The following TMEM151A variants were observed in gnomAD, a reference collection of about 807,000 sequenced individuals.
TMEM151A encodes the protein transmembrane protein 151A.
A neutral mutation model predicts 33.7 loss-of-function variants in TMEM151A; 21 were observed. The ratio of observed to expected loss-of-function variants is 0.62; its 90% CI spans 0.44 to 0.90. The LOEUF is 0.90. TMEM151A is among the 40% of genes least tolerant of loss of function. TMEM151A has a pLI of 0.00. For missense variants in TMEM151A, 704 were observed against 697.7 expected (o/e 1.01, Z -0.10); for synonymous variants, 374 against 330.3 (o/e 1.13, Z -1.43).
chr11:66,294,175 G>T, intron 1 of TMEM151A, 147 bp from the exon 2 acceptor site: 1 of 1,257,262 alleles, frequency 8.0e-7, no homozygotes, highest in South Asian at 1.5e-5. Context: ...GAAGCCTGGA[G>T]CAAGCTGCTC....
intron 1 of TMEM151A, among the ~76,000 whole-genome samples, chr11:66,293,869 A>T (rs1565189890): frequency 6.6e-6 from 1 of 152,216 alleles, no homozygotes; most frequent in Non-Finnish European, 1.5e-5. Flanking sequence ...GGAACTCCAA[A>T]GCCCATGCTG....
At position 66,295,043 on chromosome 11, in the gene TMEM151A, T is replaced by C. The variant is rs1857499181; in HGVS notation, c.797T>C (p.Phe266Ser). 4 of 1,598,906 alleles carry C rather than the reference T, an allele frequency of 2.5e-6. No homozygotes were observed. Among genetic ancestry groups the C allele is most frequent in the Non-Finnish European group, 3.4e-6 (4 of 1,179,166 alleles). Residue 266 changes from phenylalanine (F) to serine (S), a missense_variant, in exon 2 of 2, where the codon TTC (phenylalanine) becomes TCC (serine). Phe to Ser is a radical substitution (Grantham distance 155). Transcript: ENST00000327259. Reference sequence around the variant, plus strand: ...GGCATGCACCTGAAGGACGTAGACTTCCGCGAGTCGCTCATGGTCTTCGCC... The same window carrying C: ...GGCATGCACCTGAAGGACGTAGACTCCCGCGAGTCGCTCATGGTCTTCGCC... ...REGMHLKDVD[F>S]RESLMVFADP...
rs758397847 is a variant in TMEM151A at position 66,295,009 on chromosome 11, G to A, written c.763G>A (p.Ala255Thr). The part of the protein sequence containing the change: ...ANEGLDDYLE[A>T]REGMHLKDVD... ...CGAGGGCCTGGACGACTATCTGGAG[G>A]CGCGCGAGGGCATGCACCTGAAGGA... The change falls in exon 2 of 2, where the codon GCG (alanine) becomes ACG (threonine). Residue 255 changes from alanine to threonine, a missense_variant. This residue lies in a region of TMEM151A where 398 missense variants were observed against 356.0 expected (regional missense o/e 1.12). Transcript: ENST00000327259. 1.0e-5 allele frequency: 16 copies of A among 1,594,776 alleles called. No homozygotes were observed. Among genetic ancestry groups the A allele is most frequent in the East Asian group, 4.5e-5 (2 of 44,484 alleles).
Position 66,295,214 on chromosome 11 carries a change from CGCCCCCGCCGGGGGCCGTGCCCAGCGG to C in TMEM151A, c.977_1003del (p.Pro326_Pro334del). 1 of 1,569,788 alleles carries C rather than the reference CGCCCCCGCCGGGGGCCGTGCCCAGCGG, an allele frequency of 6.4e-7. No homozygotes were observed. The highest frequency in any genetic ancestry group is 8.6e-7 in the Non-Finnish European group (1 of 1,158,946). ...GTGGAGAAGCTCTTTGGCGCCAGCT[CGCCCCCGCCGGGGGCCGTGCCCAGCGG>C]GCCCCCGCTGTCCCGCGTGGCCACA... is the stretch of plus-strand genomic sequence containing the variant. On this transcript the variant is annotated inframe_deletion, in exon 2 of 2. Coordinates refer to ENST00000327259, the MANE Select transcript of TMEM151A (RefSeq NM_153266.4).
At position 66,295,316 on chromosome 11, in the gene TMEM151A, T is replaced by C. The variant is rs1857505635; in HGVS notation, c.1070T>C (p.Val357Ala). Residue 357 changes from valine (V) to alanine (A), a missense_variant, in exon 2 of 2, where the codon GTG (valine) becomes GCG (alanine). This residue lies in a region of TMEM151A where 398 missense variants were observed against 356.0 expected (regional missense o/e 1.12). Coordinates refer to ENST00000327259, the MANE Select transcript of TMEM151A (RefSeq NM_153266.4). ...CACATCTGCTCCAACCGGCAGCTGG[T>C]GCCCAGCTACTCGGAGGCCGTGGTC... ...EWHICSNRQL[V>A]PSYSEAVVMG... 3.1e-6 allele frequency: 5 copies of C among 1,587,836 alleles called. No individual in the cohort carries two copies. The highest frequency in any genetic ancestry group is 4.3e-6 in the Non-Finnish European group (5 of 1,167,996).
chr11:66,292,293 C>A lies in TMEM151A; in HGVS notation c.75+205C>A, dbSNP rs1857463681. ...GGCGGCTGGACAGCAATATGCGGGG[C>A]GACTTCCGCCCCCGGCGTCCCCTCA... is the stretch of plus-strand genomic sequence containing the variant. On this transcript the variant is annotated intron_variant, in intron 1 of 1. Coordinates refer to ENST00000327259, the MANE Select transcript of TMEM151A (RefSeq NM_153266.4). The surrounding 1 kb of genome is among the most constrained non-coding windows in gnomAD (Gnocchi z 4.7). 6.6e-6 allele frequency among the ~76,000 whole-genome samples: 1 copy of A among 151,904 alleles called. No homozygotes were observed. Among genetic ancestry groups the A allele is most frequent in the Non-Finnish European group, 1.5e-5 (1 of 67,902 alleles).
rs774159753 is a variant in TMEM151A at position 66,295,675 on chromosome 11, T to C, written c.*22T>C. On this transcript the variant is annotated 3_prime_UTR_variant, in exon 2 of 2. Coordinates refer to ENST00000327259, the MANE Select transcript of TMEM151A (RefSeq NM_153266.4). ...CTGAGACCCCCCACGGCCCCCAGAGTGGCCCCCTCCCCACCATTCCACCAT... is the reference window on the plus strand; with the variant it reads ...CTGAGACCCCCCACGGCCCCCAGAGCGGCCCCCTCCCCACCATTCCACCAT... 12 of 1,457,982 alleles carry C rather than the reference T, an allele frequency of 8.2e-6. No individual in the cohort carries two copies. In the East Asian group the frequency reaches 1.1e-4, roughly 13 times the overall value. The allele number at this position is 1,457,982 out of a possible 1,614,324, so 90.3% of individuals were successfully genotyped here.
rs1857485655 is a variant in TMEM151A, at chr11:66,294,308, C to A, written c.76-14C>A. 6.2e-7 allele frequency: 1 copy of A among 1,603,520 alleles called. No individual in the cohort carries two copies. The highest frequency in any genetic ancestry group is 1.7e-5 in the Admixed American group (1 of 59,728). On this transcript the variant is annotated splice_polypyrimidine_tract_variant and intron_variant, in intron 1 of 1. Coordinates refer to ENST00000327259, the MANE Select transcript of TMEM151A (RefSeq NM_153266.4). ...CCACCTGACACAGACTTCCCTTTCT[C>A]TGCCCACCTGCAGCAGCGGCCCCTG...
At position 66,292,151 on chromosome 11, in the gene TMEM151A, G is replaced by A. The variant is rs1481015281; in HGVS notation, c.75+63G>A. 10 of 1,321,064 alleles carry A rather than the reference G, an allele frequency of 7.6e-6. No homozygotes were observed. The highest frequency in any genetic ancestry group is 4.7e-5 in the African/African-American group (3 of 64,312). 81.8% of individuals were successfully genotyped at this position (1,321,064 alleles called of 1,614,324 possible). A position where few individuals can be genotyped will look rare whatever the true frequency, so the allele number is the denominator to read the frequency against. On this transcript the variant is annotated intron_variant, in intron 1 of 1. Transcript: ENST00000327259. This position sits in a 1 kb window ranked among gnomAD's most constrained non-coding sequence, Gnocchi z 4.7. ...GGCGTGAGAGGGACCAGTGCAAAAG[G>A]CGACCCCAAGAGAGGGGCTGAGGAG...
Position 66,294,434 on chromosome 11 carries a change from G to C in TMEM151A, c.188G>C (p.Arg63Pro). ...HACGAVVAWC[R>P]LATVPRLVLG... ...TGCGGGGCCGTGGTGGCCTGGTGTC[G>C]CCTGGCCACAGTGCCGCGGCTGGTC... is the stretch of plus-strand genomic sequence containing the variant. The change falls in exon 2 of 2, where the codon CGC becomes CCC. Residue 63 changes from arginine to proline, a missense_variant. By Grantham distance (103) the Arg-to-Pro change is moderately radical. Around this residue, in one of 3 missense-constraint regions of TMEM151A, gnomAD observed 301 missense variants for 323.4 expected, o/e 0.93. Transcript: ENST00000327259. 2 of 1,610,904 alleles carry C rather than the reference G, an allele frequency of 1.2e-6. No homozygotes were observed. The highest frequency in any genetic ancestry group is 1.7e-6 in the Non-Finnish European group (2 of 1,179,224).
rs1015381603 is a variant in TMEM151A, at chr11:66,296,024, G to T, written c.*371G>T. ...GTGGACACTTCCCTACCGGGGCTGA[G>T]GCCATGCTGGGAGCCCCCCCAGTGA... On this transcript the variant is annotated 3_prime_UTR_variant, in exon 2 of 2. Transcript: ENST00000327259. The T allele has an allele frequency of 3.3e-5, 6 of 184,166 alleles. No individual in the cohort carries two copies. Among genetic ancestry groups the T allele is most frequent in the Non-Finnish European group, 6.6e-5 (6 of 90,504 alleles). 11.4% of individuals were successfully genotyped at this position (184,166 alleles called of 1,614,324 possible).
At position 66,294,904 on chromosome 11, in the gene TMEM151A, T is replaced by A; in HGVS notation, c.658T>A (p.Phe220Ile). The change falls in exon 2 of 2, where the codon TTC becomes ATC. Residue 220 changes from phenylalanine (F) to isoleucine (I), a missense_variant. Phe to Ile is a conservative substitution (Grantham distance 21). Transcript: ENST00000327259. ...LAEHAATRLRFTKCFSFGSAE... is the reference protein window; with the variant it reads ...LAEHAATRLRITKCFSFGSAE... ...GGAGCACGCGGCCACGCGGCTGCGC[T>A]TCACCAAGTGCTTCAGCTTCGGCAG... is the stretch of plus-strand genomic sequence containing the variant. 6.5e-7 allele frequency: 1 copy of A among 1,538,618 alleles called. No individual in the cohort carries two copies. The highest frequency in any genetic ancestry group is 8.7e-7 in the Non-Finnish European group (1 of 1,146,974).
chr11:66,295,483 C>T lies in TMEM151A; in HGVS notation c.1237C>T (p.Arg413Trp), dbSNP rs1372452746. Residue 413 changes from arginine to tryptophan, a missense_variant, in exon 2 of 2, where the codon CGG becomes TGG. By Grantham distance (101) the Arg-to-Trp change is moderately radical. Coordinates refer to ENST00000327259, the MANE Select transcript of TMEM151A (RefSeq NM_153266.4). ...RSRLSLGAGG[R>W]ATPGVFRSLS... is the part of the protein sequence containing the mutation. Reference sequence around the variant, plus strand: ...CCGCCTCTCGCTGGGCGCTGGCGGCCGGGCCACGCCAGGGGTCTTCCGCAG... The same window carrying T: ...CCGCCTCTCGCTGGGCGCTGGCGGCTGGGCCACGCCAGGGGTCTTCCGCAG... 1 of 1,397,186 alleles carries T rather than the reference C, an allele frequency of 7.2e-7. No individual in the cohort carries two copies. Among genetic ancestry groups the T allele is most frequent in the Non-Finnish European group, 9.3e-7 (1 of 1,078,354 alleles). The allele number at this position is 1,397,186 out of a possible 1,614,324, so 86.5% of individuals were successfully genotyped here.
rs1360846025 is a variant in TMEM151A, at chr11:66,295,683, T to C, written c.*30T>C. The C allele has an allele frequency of 2.1e-6, 3 of 1,432,036 alleles. No homozygotes were observed. The highest frequency in any genetic ancestry group is 2.7e-6 in the Non-Finnish European group (3 of 1,092,710). The allele number at this position is 1,432,036 out of a possible 1,614,324, so 88.7% of individuals were successfully genotyped here. A position where few individuals can be genotyped will look rare whatever the true frequency, so the allele number is the denominator to read the frequency against. On this transcript the variant is annotated 3_prime_UTR_variant, in exon 2 of 2. Coordinates refer to ENST00000327259, the MANE Select transcript of TMEM151A (RefSeq NM_153266.4). ...CCCCACGGCCCCCAGAGTGGCCCCCTCCCCACCATTCCACCATGGGCTTAG... is the reference window on the plus strand; with the variant it reads ...CCCCACGGCCCCCAGAGTGGCCCCCCCCCCACCATTCCACCATGGGCTTAG...
Position 66,294,450 on chromosome 11 carries a change from G to A in TMEM151A, c.204G>A (p.Pro68=), listed in dbSNP as rs745782737. ...VVAWCRLATV[P]RLVLGPEAAL... is the part of the protein sequence containing the mutation. ...CCTGGTGTCGCCTGGCCACAGTGCCGCGGCTGGTCCTGGGGCCCGAGGCCG... is the reference window on the plus strand; with the variant it reads ...CCTGGTGTCGCCTGGCCACAGTGCCACGGCTGGTCCTGGGGCCCGAGGCCG... Residue 68 remains proline, a synonymous_variant, in exon 2 of 2, where the codon CCG becomes CCA. Coordinates refer to ENST00000327259, the MANE Select transcript of TMEM151A (RefSeq NM_153266.4). The A allele has an allele frequency of 9.3e-6, 15 of 1,609,060 alleles. No homozygotes were observed. The highest frequency in any genetic ancestry group is 6.6e-5 in the South Asian group (6 of 90,760).
Position 66,295,417 on chromosome 11 carries a change from C to G in TMEM151A, c.1171C>G (p.Pro391Ala), listed in dbSNP as rs373152395. 5 of 1,499,496 alleles carry G rather than the reference C, an allele frequency of 3.3e-6. No homozygotes were observed. The highest frequency in any genetic ancestry group is 2.8e-5 in the East Asian group (1 of 36,202). 92.9% of individuals were successfully genotyped at this position (1,499,496 alleles called of 1,614,324 possible). ...RRSVSSNSLP[P>A]ARPSGPRLPF... ...CTCTGTCAGCAGCAACTCGCTGCCC[C>G]CCGCCCGGCCCAGCGGGCCCCGCCT... The change falls in exon 2 of 2, where the codon CCC becomes GCC. Residue 391 changes from proline to alanine, a missense_variant. Transcript: ENST00000327259.
chr11:66,293,484 C>A (rs1399069736), intron 1 of TMEM151A, among the ~76,000 whole-genome samples: 1 of 152,082 alleles, frequency 6.6e-6, no homozygotes, highest in Admixed American at 6.5e-5. Flanking sequence ...CAGGGAGTGG[C>A]CCCTGCTGCC....
rs1291425895 is a variant in TMEM151A, at chr11:66,291,936, G to A, written c.-78G>A. 51 of 1,205,286 alleles carry A rather than the reference G, an allele frequency of 4.2e-5. No individual in the cohort carries two copies. Among genetic ancestry groups the A allele is most frequent in the Non-Finnish European group, 5.6e-5 (51 of 907,700 alleles). The allele number at this position is 1,205,286 out of a possible 1,614,324, so 74.7% of individuals were successfully genotyped here. On this transcript the variant is annotated 5_prime_UTR_variant, in exon 1 of 2. Transcript: ENST00000327259. ...GCTGAGCCGAGCGGACGCCCCCGGG[G>A]GCCGCGTCGCAGCCCTCCGTGCTCC...
Position 66,295,906 on chromosome 11 carries a change from G to A in TMEM151A, c.*253G>A, listed in dbSNP as rs369016811. On this transcript the variant is annotated 3_prime_UTR_variant, in exon 2 of 2. Transcript: ENST00000327259. ...AGATGGCCGATGATCTGGCCTGAAG[G>A]CCTCTCACAAAGGGCAGGAGAAGAA... 7.1e-5 allele frequency: 27 copies of A among 379,422 alleles called. No individual in the cohort carries two copies. The East Asian group carries it at 9.7e-4, about 14-fold the overall frequency. The allele number at this position is 379,422 out of a possible 1,614,324, so 23.5% of individuals were successfully genotyped here.
Sources: gnomAD v4.1 joint callset for allele counts (sites outside exome capture counted in the v4.1 genomes callset) on GRCh38, gnomAD v4.1.1 for gene constraint, gnomAD v4.1.1 regional missense constraint, Gnocchi (gnomAD v3.1) non-coding constraint, MANE v1.5 for transcripts, NCBI Gene and HGNC (gene_info 2026-07-23, HGNC 2026-07-21) for gene names.